The following GAB1 variants were observed in gnomAD, a reference collection of about 807,000 sequenced individuals.
GAB1 encodes GRB2-associated-binding protein 1.
GAB1 carries 19 observed loss-of-function variants against 66.5 expected under a neutral mutation model. The ratio of observed to expected loss-of-function variants is 0.29; its 90% CI spans 0.20 to 0.42. GAB1 has a LOEUF of 0.42. Ranked by LOEUF, GAB1 falls within the 10% of genes least tolerant of loss-of-function variation. GAB1 has a pLI of 1.00. For missense variants in GAB1, 732 were observed against 858.5 expected, an observed-to-expected ratio of 0.85 and a Z score of 1.84; for synonymous variants, 294 against 301.4, an observed-to-expected ratio of 0.98 and a Z score of 0.25.
intron 1 of GAB1, among the ~76,000 whole-genome samples, chr4:143,403,653 C>T (rs1731892398): frequency 6.6e-6 from 1 of 152,178 alleles, no homozygotes; most frequent in African/African-American, 2.4e-5. Context: ...ATTATTGGCA[C>T]TTGGGCTGAG....
chr4:143,446,550 A>G (rs1734550714), intron 6 of GAB1, among the ~76,000 whole-genome samples: 1 of 152,010 alleles, frequency 6.6e-6, no homozygotes, highest in Non-Finnish European at 1.5e-5. Flanking sequence ...GCCAGTGATG[A>G]TGAGCATTTT....
intron 6 of GAB1, among the ~76,000 whole-genome samples, chr4:143,454,978 T>C (rs558663662): frequency 3.9e-5 from 6 of 152,266 alleles, no homozygotes; most frequent in Non-Finnish European, 7.4e-5. Context: ...CCTCTAGGAA[T>C]AGGTTTTAAA....
At chr4:143,370,991 T>C (rs1721037990) in intron 1 of GAB1, among the ~76,000 whole-genome samples, 1 of 152,218 alleles carries the variant, frequency 6.6e-6, no homozygotes, top group South Asian at 2.1e-4. Flanking sequence ...CTATTGTGAA[T>C]AGTGACGCAA....
chr4:143,434,369 T>TC (rs1560767243), intron 3 of GAB1, among the ~76,000 whole-genome samples: 2 of 149,984 alleles, frequency 1.3e-5, no homozygotes, highest in East Asian at 3.9e-4. Context: ...TATTTATCTT[T>TC]TTTTTTTTTT....
intron 2 of GAB1, among the ~76,000 whole-genome samples, chr4:143,419,507 G>A (rs770356001): frequency 7.0e-4 from 107 of 152,210 alleles, no homozygotes; most frequent in Non-Finnish European, 1.3e-3. Flanking sequence ...AATATCCATG[G>A]TTGGGAAAGG....
chr4:143,351,027 G>A (rs565646229), intron 1 of GAB1, among the ~76,000 whole-genome samples: 14 of 152,264 alleles, frequency 9.2e-5, no homozygotes, highest in African/African-American at 3.1e-4. Flanking sequence ...CAGACCGGCA[G>A]GCCGAGGGGC....
chr4:143,409,388 C>CT, intron 1 of GAB1, among the ~76,000 whole-genome samples: 2 of 141,472 alleles, frequency 1.4e-5, no homozygotes, highest in South Asian at 4.9e-4. Context: ...TTGAACTTTC[C>CT]CCCCCCCCGC....
chr4:143,364,184 G>A (rs1168619705), intron 1 of GAB1, among the ~76,000 whole-genome samples: 3 of 137,012 alleles, frequency 2.2e-5, no homozygotes, highest in East Asian at 2.1e-4. Context: ...GGGAAACTTC[G>A]TCTCCAAAAA....
At chr4:143,392,472 T>C (rs962804037) in intron 1 of GAB1, among the ~76,000 whole-genome samples, 4 of 152,142 alleles carry the variant, frequency 2.6e-5, no homozygotes, top group Non-Finnish European at 4.4e-5. Context: ...TAAAAGACAA[T>C]TAAATTGTGG....
intron 1 of GAB1, among the ~76,000 whole-genome samples, chr4:143,400,250 C>T (rs954345745): frequency 6.6e-6 from 1 of 152,016 alleles, no homozygotes; most frequent in African/African-American, 2.4e-5. Context: ...GCCTGAGTCT[C>T]TACTTTTTGT....
At chr4:143,361,833 A>G (rs1729672422) in intron 1 of GAB1, among the ~76,000 whole-genome samples, 1 of 152,076 alleles carries the variant, frequency 6.6e-6, no homozygotes, top group South Asian at 2.1e-4. Flanking sequence ...CAGTGTACCT[A>G]GTAATGTGAC....
At chr4:143,337,300 T>C (rs368003709) in intron 1 of GAB1, 40 bp downstream of exon 1, 104 of 1,513,488 alleles carry the variant, frequency 6.9e-5, no homozygotes, top group Admixed American at 1.4e-4. Flanking sequence ...GGCCTCGGCG[T>C]CCACACCCCT....
intron 9 of GAB1, 75 bp downstream of exon 9, chr4:143,466,300 G>T: frequency 7.0e-7 from 1 of 1,429,580 alleles, no homozygotes; most frequent in East Asian, 2.4e-5. Flanking sequence ...TATTTCCTTT[G>T]GGATAATTTT....
intron 1 of GAB1, among the ~76,000 whole-genome samples, chr4:143,348,611 C>T (rs147978571): frequency 1.1e-3 from 163 of 152,392 alleles, no homozygotes; most frequent in African/African-American, 3.7e-3. Context: ...TTGGGCCCCT[C>T]TTAGCTGTCT....
At chr4:143,337,366 C>G (rs2149637814) in intron 1 of GAB1, 106 bp downstream of exon 1, 1 of 930,316 alleles carries the variant, frequency 1.1e-6, no homozygotes, top group South Asian at 1.5e-5. Flanking sequence ...GGTTCTTAAA[C>G]GAATGCCGGT....
chr4:143,450,980 C>G (rs1031029476), intron 6 of GAB1, among the ~76,000 whole-genome samples: 1 of 152,008 alleles, frequency 6.6e-6, no homozygotes, highest in Non-Finnish European at 1.5e-5. Flanking sequence ...TCATACAACA[C>G]AGATTTAAGC....
intron 1 of GAB1, among the ~76,000 whole-genome samples, chr4:143,405,352 T>G (rs1731989385): frequency 6.6e-6 from 1 of 152,214 alleles, no homozygotes. Flanking sequence ...TTCCTAATAT[T>G]AACATATTGG....
chr4:143,445,382 T>C (rs1734453265), intron 6 of GAB1, among the ~76,000 whole-genome samples: 1 of 152,196 alleles, frequency 6.6e-6, no homozygotes. Context: ...TGGCCACTTG[T>C]ATGTCTCATT....
intron 9 of GAB1, among the ~76,000 whole-genome samples, chr4:143,467,138 AAC>A (rs1457689166): frequency 1.3e-5 from 2 of 152,248 alleles, no homozygotes; most frequent in Admixed American, 1.3e-4. Flanking sequence ...CACTCTTGGA[AAC>A]ACAGTTTTCT....
Sources: allele counts gnomAD v4.1 joint callset (sites outside exome capture counted in the v4.1 genomes callset), GRCh38; gene constraint gnomAD v4.1.1; transcripts MANE v1.5; gene names NCBI Gene and HGNC (gene_info 2026-07-23, HGNC 2026-07-21).